Variants in PZP observed in about 807,000 individuals in gnomAD.
The protein encoded by PZP is pregnancy zone protein.
Under a neutral mutation model 179.8 loss-of-function variants are expected in PZP, and 150 were observed. That is an observed-to-expected ratio of 0.83 (90% CI 0.73 to 0.96). The LOEUF (loss-of-function observed/expected upper bound fraction) is 0.96. Ranked by LOEUF, PZP falls within the 40% of genes least tolerant of loss-of-function variation. The probability of loss-of-function intolerance (pLI) is 0.00; values close to 1 mark genes in which losing one functional copy is unlikely to be tolerated. For synonymous variants in PZP, 624 were observed against 652.3 expected (o/e 0.96, Z 0.66); for missense variants, 1,689 against 1,764.0 (o/e 0.96, Z 0.76).
chr12:9,154,790 C>G lies in PZP; in HGVS notation c.3600G>C (p.Gly1200=), dbSNP rs774115141. ...AGGGAGCCTGGGTTTGGTAAAGATG[C>G]CCCACTGGTGCCTTGGGTCTCTGAG... ...ERPQRPKAPV[G]HLYQTQAPSA... Residue 1200 remains glycine (G), a synonymous_variant, in exon 29 of 36, where the codon GGG becomes GGC. Transcript: ENST00000261336. 9 of 1,613,928 alleles carry G rather than the reference C, an allele frequency of 5.6e-6. No homozygotes were observed. In the East Asian group the frequency reaches 2.0e-4, roughly 36 times the overall value.
chr12:9,207,995 G>T (rs538684286), intron 1 of PZP, among the ~76,000 whole-genome samples: 1 of 152,284 alleles, frequency 6.6e-6, no homozygotes, highest in Admixed American at 6.5e-5. Context: ...GAACTGTTCT[G>T]TGAAGTTGGG....
chr12:9,195,578 G>A (rs1943723749), intron 10 of PZP, among the ~76,000 whole-genome samples: 1 of 151,072 alleles, frequency 6.6e-6, no homozygotes, highest in Non-Finnish European at 1.5e-5. Context: ...CAAGCAGCTG[G>A]GACTACAGGT....
intron 28 of PZP, among the ~76,000 whole-genome samples, chr12:9,156,613 A>G (rs754855274): frequency 2.6e-5 from 4 of 152,324 alleles, no homozygotes; most frequent in East Asian, 1.9e-4. Flanking sequence ...CTATTTGTCT[A>G]TTATATTGGT....
chr12:9,148,043 A>G (rs1309316935), downstream of PZP, among the ~76,000 whole-genome samples: 1 of 151,896 alleles, frequency 6.6e-6, no homozygotes, highest in East Asian at 1.9e-4. Flanking sequence ...CTCTCATGCC[A>G]TTTGATTTTA....
In PZP at chr12:9,177,421, A is replaced by C. The variant is rs1011278630; in HGVS notation, c.1839+3562T>G. On this transcript the variant is annotated intron_variant, in intron 15 of 35. Coordinates refer to ENST00000261336, the MANE Select transcript of PZP (RefSeq NM_002864.3). ...TGGCTGCAGCTTTGGCCGCCATGTT[A>C]ATCGCAACCAGGGCAGGTCACAAGC... 2.0e-5 allele frequency among the ~76,000 whole-genome samples: 3 copies of C among 152,194 alleles called. No homozygotes were observed. The East Asian group carries it at 5.8e-4, about 29-fold the overall frequency.
chr12:9,203,807 C>T lies in PZP; in HGVS notation c.228G>A (p.Leu76=), dbSNP rs1319602475. The change falls in exon 2 of 36, where the codon CTG becomes CTA. Residue 76 remains leucine, a synonymous_variant. Coordinates refer to ENST00000261336, the MANE Select transcript of PZP (RefSeq NM_002864.3). The part of the protein sequence containing the change: ...GRENRSLFTD[L]VAEKDLFHCV... ...AGTGGAATAAGTCCTTCTCCGCCAC[C>T]AGGTCAGTGAAGAGGCTCCTGTTTT... is the stretch of plus-strand genomic sequence containing the variant. 3.7e-6 allele frequency: 6 copies of T among 1,614,098 alleles called. No homozygotes were observed. Among genetic ancestry groups the T allele is most frequent in the Non-Finnish European group, 4.2e-6 (5 of 1,180,008 alleles).
chr12:9,203,366 G>T (rs1414921961), intron 2 of PZP, among the ~76,000 whole-genome samples: 1 of 134,394 alleles, frequency 7.4e-6, no homozygotes, highest in East Asian at 2.2e-4. Context: ...TTTTGAGACG[G>T]AGTCTCGCTC....
intron 23 of PZP, 70 bp downstream of exon 23, chr12:9,160,963 A>T (rs1283430035): frequency 1.6e-6 from 2 of 1,256,464 alleles, no homozygotes; most frequent in East Asian, 2.3e-5. Flanking sequence ...TAATTCAAAT[A>T]CAAATACGTA....
rs1017477573 is a variant in PZP, at chr12:9,201,008, C to G, written c.554G>C (p.Gly185Ala). The G allele has an allele frequency of 6.2e-7, 1 of 1,614,104 alleles. No individual in the cohort carries two copies. The highest frequency in any genetic ancestry group is 1.3e-5 in the African/African-American group (1 of 75,036). The part of the protein sequence containing the change: ...AQWQSLKLEA[G>A]INQLSFPLSS... The stretch of plus-strand genomic sequence containing the variant: ...GAGGGGAAAGGACAACTGATTGATG[C>G]CAGCTTCTAGCTTGAGACTCTGCCA... The change falls in exon 6 of 36, where the codon GGC (glycine) becomes GCC (alanine). Residue 185 changes from glycine to alanine, a missense_variant. This residue lies in a region of PZP where 742 missense variants were observed against 730.5 expected (regional missense o/e 1.02). Transcript: ENST00000261336.
the PZP span, among the ~76,000 whole-genome samples, chr12:9,138,052 A>G: frequency 6.6e-6 from 1 of 151,996 alleles, no homozygotes; most frequent in Non-Finnish European, 1.5e-5. Flanking sequence ...CTTTGGTTCT[A>G]TATTGAATAA....
In PZP at chr12:9,200,892, C is replaced by T; in HGVS notation, c.670G>A (p.Val224Met). The T allele has an allele frequency of 1.2e-6, 2 of 1,610,902 alleles. No individual in the cohort carries two copies. Among genetic ancestry groups the T allele is most frequent in the Non-Finnish European group, 1.7e-6 (2 of 1,178,900 alleles). ...CTTTTTCATCTTCCATAATCCATAC[C>T]AAATTCCTCCACGGTGAAGGGGTGC... Reference protein sequence around the residue: ...IQHPFTVEEFVLPKFEVKVQV... With the variant: ...IQHPFTVEEFMLPKFEVKVQV... The change falls in exon 6 of 36, where the codon GTG (valine) becomes ATG (methionine). Residue 224 changes from valine to methionine, a missense_variant and splice_region_variant. Val to Met is a conservative substitution (Grantham distance 21). This residue lies in a region of PZP where 742 missense variants were observed against 730.5 expected (regional missense o/e 1.02). Transcript: ENST00000261336.
At chr12:9,199,006 C>G (rs964873341) in intron 7 of PZP, among the ~76,000 whole-genome samples, 4 of 152,118 alleles carry the variant, frequency 2.6e-5, no homozygotes, top group African/African-American at 9.7e-5. Flanking sequence ...TTAAAAGGAA[C>G]TGTAAGAGGT....
chr12:9,139,382 G>A, the PZP span, among the ~76,000 whole-genome samples: 1 of 152,190 alleles, frequency 6.6e-6, no homozygotes, highest in Non-Finnish European at 1.5e-5. Context: ...GTGCACATGA[G>A]AAGAGTATGT....
intron 30 of PZP, 45 bp downstream of exon 30, chr12:9,153,080 G>T: frequency 2.5e-6 from 4 of 1,606,846 alleles, no homozygotes; most frequent in Non-Finnish European, 3.4e-6. Context: ...ATTTCAATTG[G>T]CAAGTTTAAA....
At chr12:9,157,983 T>G in intron 26 of PZP, 142 bp from the exon 27 acceptor site, 1 of 747,334 alleles carries the variant, frequency 1.3e-6, no homozygotes. Context: ...CGACAGGTTC[T>G]TGCTCTGTAG....
In PZP at chr12:9,197,982, T is replaced by TTA. The variant is rs879612268; in HGVS notation, c.756-861_756-860dup. ...TTTATATATTATATATTAATATATA[T>TTA]TATATATATATTTAATCCCAAAGAG... On this transcript the variant is annotated intron_variant, in intron 7 of 35. Coordinates refer to ENST00000261336, the MANE Select transcript of PZP (RefSeq NM_002864.3). Among the ~76,000 whole-genome samples the TTA allele has an allele frequency of 5.1e-3, 688 of 135,434 alleles. 2 individuals carry two copies. Among genetic ancestry groups the TTA allele is most frequent in the Middle Eastern group, 0.018 (5 of 276 alleles). The allele number at this position is 135,434 out of a possible 152,430, so 88.8% of individuals were successfully genotyped here.
At chr12:9,184,401 C>T (rs1942970451) in intron 13 of PZP, among the ~76,000 whole-genome samples, 1 of 152,206 alleles carries the variant, frequency 6.6e-6, no homozygotes, top group African/African-American at 2.4e-5. Context: ...CCACCAGTGC[C>T]CCACCCCCAT....
In PZP at chr12:9,202,293, C is replaced by G. The variant is rs187554705; in HGVS notation, c.480+26G>C. 3.5e-5 allele frequency: 56 copies of G among 1,599,782 alleles called. No individual in the cohort carries two copies. The East Asian group carries it at 5.6e-4, about 16-fold the overall frequency. On this transcript the variant is annotated intron_variant, in intron 4 of 35. Transcript: ENST00000261336. ...TGAGTATTCCCACTCTACCCACAACCCAAACCACAGATAGTGGATGCTTAC... is the reference window on the plus strand; with the variant it reads ...TGAGTATTCCCACTCTACCCACAACGCAAACCACAGATAGTGGATGCTTAC...
At chr12:9,185,195 CAGA>C (rs1406375194) in intron 13 of PZP, among the ~76,000 whole-genome samples, 2 of 152,132 alleles carry the variant, frequency 1.3e-5, no homozygotes, top group Non-Finnish European at 2.9e-5. Context: ...TAAAATGATG[CAGA>C]AGCTGACAGA....
Sources: allele counts gnomAD v4.1 joint callset (sites outside exome capture counted in the v4.1 genomes callset), GRCh38; gene constraint gnomAD v4.1.1; regional missense constraint gnomAD v4.1.1; transcripts MANE v1.5; gene names NCBI Gene and HGNC (gene_info 2026-07-23, HGNC 2026-07-21).